Variants in FRMPD4 observed in about 807,000 individuals in gnomAD.
The protein encoded by FRMPD4 is FERM and PDZ domain-containing protein 4.
In FRMPD4, 22 loss-of-function variants were observed where a neutral mutation model predicts 94.1. The observed-to-expected ratio is 0.23, with a 90% CI of 0.17 to 0.33. FRMPD4 has a LOEUF of 0.33. Ranked by LOEUF, FRMPD4 falls within the 10% of genes least tolerant of loss-of-function variation. FRMPD4 has a pLI of 1.00. For synonymous variants in FRMPD4, 631 were observed against 548.6 expected (o/e 1.15, Z -2.10); for missense variants, 1,111 against 1,339.9 (o/e 0.83, Z 2.67).
At chrX:12,522,100 C>T (rs2058168151) in intron 2 of FRMPD4, among the ~76,000 whole-genome samples, 1 of 96,229 alleles carries the variant, frequency 1.0e-5, no homozygotes, top group African/African-American at 3.9e-5. Context: ...TTATGACCTA[C>T]CTAGTTACTT....
chrX:12,232,595 C>T (rs1404891643), intron 1 of FRMPD4, among the ~76,000 whole-genome samples: 1 of 111,202 alleles, frequency 9.0e-6, no homozygotes, highest in Non-Finnish European at 1.9e-5. Flanking sequence ...CTCAGTAGAA[C>T]ATACTGGTCT....
intron 1 of FRMPD4, among the ~76,000 whole-genome samples, chrX:12,461,450 T>G (rs1211557600): frequency 1.4e-4 from 16 of 112,034 alleles, no homozygotes; most frequent in Non-Finnish European, 3.8e-5. Context: ...CTTTGCTATC[T>G]GTTGATCCAA....
chrX:12,470,584 A>C (rs2057499924), intron 1 of FRMPD4, among the ~76,000 whole-genome samples: 1 of 112,199 alleles, frequency 8.9e-6, no homozygotes, highest in Non-Finnish European at 1.9e-5. Flanking sequence ...ATTAAACATG[A>C]ATTAGTTGTG....
chrX:12,073,476 T>C (rs144618738), intron 3 of FRMPD4, among the ~76,000 whole-genome samples: 2,426 of 112,018 alleles, frequency 0.022, 63 homozygotes, highest in African/African-American at 0.075. Context: ...TCTCAGCTGT[T>C]TAAAATGTTT....
intron 1 of FRMPD4, among the ~76,000 whole-genome samples, chrX:11,848,035 TAATAAAAAAAATAAAAAATA>T (rs1258422245): frequency 9.5e-6 from 1 of 105,277 alleles, no homozygotes; most frequent in Non-Finnish European, 2.0e-5. Context: ...AGTATAATAA[TAATAAAAAAAATAAAAAATA>T]AATAAAAAAA....
chrX:12,134,765 G>GA (rs1387526117), upstream of FRMPD4, among the ~76,000 whole-genome samples: 2 of 111,267 alleles, frequency 1.8e-5, no homozygotes, highest in African/African-American at 6.6e-5. Context: ...TAATCCAAGC[G>GA]AATGTTGGGC....
At chrX:12,403,877 T>C (rs1206050705) in intron 1 of FRMPD4, among the ~76,000 whole-genome samples, 1 of 111,813 alleles carries the variant, frequency 8.9e-6, no homozygotes, top group African/African-American at 3.2e-5. Flanking sequence ...TTCTTGGCTG[T>C]GTTTCCCTGC....
At chrX:12,615,804 A>G (rs1051605691) in intron 4 of FRMPD4, among the ~76,000 whole-genome samples, 3 of 110,726 alleles carry the variant, frequency 2.7e-5, no homozygotes, top group Non-Finnish European at 5.7e-5. Flanking sequence ...TGTTTTTGCC[A>G]TTGAAAGTAA....
At chrX:12,408,881 T>G (rs1190809876) in intron 1 of FRMPD4, among the ~76,000 whole-genome samples, 1 of 111,460 alleles carries the variant, frequency 9.0e-6, no homozygotes, top group East Asian at 2.8e-4. Flanking sequence ...GATAATGACA[T>G]CAGCCTTTTT....
At chrX:12,101,698 C>T (rs756674161) in intron 3 of FRMPD4, among the ~76,000 whole-genome samples, 15 of 110,046 alleles carry the variant, frequency 1.4e-4, no homozygotes, top group African/African-American at 2.0e-4. Context: ...ATAAAAAATT[C>T]GGACCGTATA....
intron 3 of FRMPD4, among the ~76,000 whole-genome samples, chrX:12,073,640 G>T (rs760877683): frequency 8.9e-6 from 1 of 112,116 alleles, no homozygotes; most frequent in Admixed American, 9.5e-5. Context: ...TCTTAAACTA[G>T]ATAGAGCCAG....
At chrX:11,843,670 G>A (rs1431179345) in intron 1 of FRMPD4, among the ~76,000 whole-genome samples, 1 of 110,718 alleles carries the variant, frequency 9.0e-6, no homozygotes, top group Non-Finnish European at 1.9e-5. Flanking sequence ...TGATCCTCCT[G>A]CCTTAGCCTC....
chrX:12,045,199 A>G (rs1485801592), intron 3 of FRMPD4, among the ~76,000 whole-genome samples: 1 of 112,123 alleles, frequency 8.9e-6, no homozygotes, highest in East Asian at 2.8e-4. Context: ...AAAATGGCAG[A>G]ACTGAGTAGT....
At chrX:12,680,225 G>C (rs1382995458) in intron 5 of FRMPD4, among the ~76,000 whole-genome samples, 1 of 111,996 alleles carries the variant, frequency 8.9e-6, no homozygotes, top group Non-Finnish European at 1.9e-5. Flanking sequence ...GGGTTGATTA[G>C]GGGCCTGATA....
intron 4 of FRMPD4, among the ~76,000 whole-genome samples, chrX:12,652,772 AC>A (rs2059608513): frequency 9.0e-6 from 1 of 111,664 alleles, no homozygotes; most frequent in African/African-American, 3.3e-5. Context: ...TCCTCCTTGG[AC>A]CAGAAGGCTG....
chrX:12,510,271 A>G (rs1203451040), intron 2 of FRMPD4, among the ~76,000 whole-genome samples: 1 of 112,599 alleles, frequency 8.9e-6, no homozygotes, highest in African/African-American at 3.2e-5. Context: ...AATAAAGGAC[A>G]TTAGGTAAAA....
At chrX:12,083,951 A>G (rs935031153) in intron 3 of FRMPD4, among the ~76,000 whole-genome samples, 10 of 111,499 alleles carry the variant, frequency 9.0e-5, no homozygotes, top group African/African-American at 3.3e-4. Context: ...GGTGGAAGGG[A>G]CTTGCCTTGT....
rs753530543 is a variant in FRMPD4 at position 12,614,840 on chromosome X, G to C, written c.381G>C (p.Pro127=). The change falls in exon 4 of 17, where the codon CCG becomes CCC. Residue 127 remains proline, a synonymous_variant. Coordinates refer to ENST00000675598, the MANE Select transcript of FRMPD4 (RefSeq NM_001368397.1). The part of the protein sequence containing the change: ...GDQIVMINDE[P]VSAAPRERVI... ...AGATTGTAATGATTAATGATGAACC[G>C]GTCAGCGCTGCACCCAGAGAGCGGG... 9.3e-6 allele frequency: 11 copies of C among 1,185,000 alleles called. No homozygotes were observed. Among genetic ancestry groups the C allele is most frequent in the Non-Finnish European group, 1.1e-5 (10 of 873,584 alleles).
At chrX:12,649,693 T>C (rs1399237967) in intron 4 of FRMPD4, among the ~76,000 whole-genome samples, 1 of 112,399 alleles carries the variant, frequency 8.9e-6, no homozygotes, top group Non-Finnish European at 1.9e-5. Context: ...TCTTGAGAAA[T>C]ATTGAGTGTG....
Sources: gnomAD v4.1 joint callset for allele counts (sites outside exome capture counted in the v4.1 genomes callset) on GRCh38, gnomAD v4.1.1 for gene constraint, MANE v1.5 for transcripts, NCBI Gene and HGNC (gene_info 2026-07-23, HGNC 2026-07-21) for gene names.